Variants in KCNH7 observed in about 807,000 individuals in gnomAD.
The protein encoded by KCNH7 is potassium voltage-gated channel subfamily H member 7, also known as voltage-gated inwardly rectifying potassium channel KCNH7.
Under a neutral mutation model 120.8 loss-of-function variants are expected in KCNH7, and 49 were observed. That is an observed-to-expected ratio of 0.41 (90% CI 0.32 to 0.51). The LOEUF (loss-of-function observed/expected upper bound fraction) is 0.51, where lower values mean the gene tolerates loss of function less well. Ranked by LOEUF, KCNH7 falls within the 20% of genes least tolerant of loss-of-function variation. KCNH7 has a pLI of 0.38. For synonymous variants in KCNH7, 547 were observed against 516.1 expected (o/e 1.06, Z -0.81); for missense variants, 1,097 against 1,446.6 (o/e 0.76, Z 3.92).
chr2:162,689,668 TA>T (rs1248360864), intron 2 of KCNH7, among the ~76,000 whole-genome samples: 11 of 152,296 alleles, frequency 7.2e-5, no homozygotes, highest in African/African-American at 2.6e-4. Context: ...TTTAATTTAA[TA>T]AAATAATCAA....
chr2:162,615,107 A>G (rs770426806), intron 2 of KCNH7, among the ~76,000 whole-genome samples: 20 of 152,136 alleles, frequency 1.3e-4, no homozygotes, highest in Non-Finnish European at 2.1e-4. Flanking sequence ...TAATATTTCA[A>G]GCTAGCATAG....
intron 2 of KCNH7, among the ~76,000 whole-genome samples, chr2:162,540,246 AAATTATACATGCAAATATACT>A (rs1199020999): frequency 1.3e-5 from 2 of 150,792 alleles, no homozygotes; most frequent in Non-Finnish European, 2.9e-5. Flanking sequence ...ATTATTTATA[AAATTATACATGCAAATATACT>A]AATATTGCTA....
chr2:162,724,578 A>G (rs2105379800), intron 2 of KCNH7, among the ~76,000 whole-genome samples: 1 of 149,864 alleles, frequency 6.7e-6, no homozygotes, highest in South Asian at 2.1e-4. Context: ...AGGCTGAGGC[A>G]GGAGAATGGC....
In KCNH7 at chr2:162,397,967, T is replaced by A. The variant is rs189878745; in HGVS notation, c.2408-1022A>T. ...TCCAGAGTCAAAGTTCTTGCACACC[T>A]GATACTGTGTATCTAAGTATCTAAT... On this transcript the variant is annotated intron_variant, in intron 10 of 15. Coordinates refer to ENST00000332142, the MANE Select transcript of KCNH7 (RefSeq NM_033272.4). Among the ~76,000 whole-genome samples the A allele has an allele frequency of 3.3e-3, 498 of 151,964 alleles. 3 individuals carry two copies. The highest frequency in any genetic ancestry group is 5.5e-3 in the Non-Finnish European group (376 of 67,872).
chr2:162,705,369 T>C (rs1165717082), intron 2 of KCNH7, among the ~76,000 whole-genome samples: 2 of 152,264 alleles, frequency 1.3e-5, no homozygotes, highest in African/African-American at 4.8e-5. Context: ...TAAGGTGTAA[T>C]GGCAATTTTA....
chr2:162,569,476 A>T (rs1390842305), intron 2 of KCNH7, among the ~76,000 whole-genome samples: 2 of 144,688 alleles, frequency 1.4e-5, no homozygotes, highest in Non-Finnish European at 3.0e-5. Context: ...CTTTCAAAAA[A>T]CCAGCTCCTG....
intron 2 of KCNH7, among the ~76,000 whole-genome samples, chr2:162,686,783 A>G (rs1033158599): frequency 1.3e-5 from 2 of 152,060 alleles, no homozygotes; most frequent in Non-Finnish European, 2.9e-5. Context: ...AGACAAACCT[A>G]CCAAGGTCAA....
chr2:162,544,077 G>T (rs1166542263), intron 2 of KCNH7, among the ~76,000 whole-genome samples: 2 of 152,062 alleles, frequency 1.3e-5, no homozygotes, highest in African/African-American at 4.8e-5. Context: ...TAGGGGGAAG[G>T]CCCTTTTATC....
intron 2 of KCNH7, among the ~76,000 whole-genome samples, chr2:162,741,242 A>G (rs774504183): frequency 6.7e-6 from 1 of 149,476 alleles, no homozygotes; most frequent in Non-Finnish European, 1.5e-5. Flanking sequence ...TATTAATAAC[A>G]TATGTTATTA....
In KCNH7 at chr2:162,838,611, G is replaced by T. The variant is rs1685743975; in HGVS notation, c.-93C>A. On this transcript the variant is annotated 5_prime_UTR_variant, in exon 1 of 16. Coordinates refer to ENST00000332142, the MANE Select transcript of KCNH7 (RefSeq NM_033272.4). ...TAGAGCCCAGGCCAGCGCGCGAGCC[G>T]CTCTTTGTGGCAGAGCATCCTCTTT... 3.2e-6 allele frequency: 3 copies of T among 945,748 alleles called. No individual in the cohort carries two copies. The South Asian group carries it at 4.3e-5, about 14-fold the overall frequency. 58.6% of individuals were successfully genotyped at this position (945,748 alleles called of 1,614,324 possible). A position where few individuals can be genotyped will look rare whatever the true frequency, so the allele number is the denominator to read the frequency against.
intron 8 of KCNH7, among the ~76,000 whole-genome samples, chr2:162,429,405 T>TTTTTTTTTTTTTTC (rs1687989714): frequency 1.5e-5 from 2 of 137,168 alleles, no homozygotes; most frequent in African/African-American, 5.3e-5. Context: ...TTTTTTTTTT[T>TTTTTTTTTTTTTTC]ACTCACACAT....
chr2:162,529,429 C>T (rs1691837971), intron 3 of KCNH7, among the ~76,000 whole-genome samples: 3 of 151,768 alleles, frequency 2.0e-5, no homozygotes, highest in Admixed American at 2.0e-4. Context: ...TTAGGTTCCC[C>T]CAATCCCTTC....
chr2:162,711,706 T>C (rs184391004), intron 2 of KCNH7, among the ~76,000 whole-genome samples: 140 of 152,272 alleles, frequency 9.2e-4, no homozygotes, highest in African/African-American at 3.2e-3. Flanking sequence ...AACTTAGAAG[T>C]TGACAACCAG....
chr2:162,681,483 CTATGTA>C (rs1319469305), intron 2 of KCNH7, among the ~76,000 whole-genome samples: 5 of 151,784 alleles, frequency 3.3e-5, no homozygotes, highest in African/African-American at 1.2e-4. Context: ...GCACTGTTCT[CTATGTA>C]TATTTCAATA....
chr2:162,388,590 A>G (rs555335772), intron 12 of KCNH7, among the ~76,000 whole-genome samples: 6 of 151,932 alleles, frequency 3.9e-5, no homozygotes, highest in Non-Finnish European at 8.8e-5. Flanking sequence ...ATTGTTTGCT[A>G]TTGAAGAAGA....
chr2:162,754,144 T>C (rs992598127), intron 2 of KCNH7, among the ~76,000 whole-genome samples: 1 of 152,106 alleles, frequency 6.6e-6, no homozygotes, highest in African/African-American at 2.4e-5. Flanking sequence ...GAGTGCATAA[T>C]GCCAAACTAA....
At chr2:162,760,357 T>G (rs1001660238) in intron 2 of KCNH7, among the ~76,000 whole-genome samples, 2 of 152,234 alleles carry the variant, frequency 1.3e-5, no homozygotes, top group South Asian at 4.1e-4. Context: ...ATTTACATTT[T>G]TATAAATCTC....
At chr2:162,589,513 A>T (rs1228239591) in intron 2 of KCNH7, among the ~76,000 whole-genome samples, 1 of 151,982 alleles carries the variant, frequency 6.6e-6, no homozygotes, top group African/African-American at 2.4e-5. Context: ...AAATTGAATA[A>T]TTTTTTAACA....
chr2:162,431,630 G>T (rs1287602479), intron 8 of KCNH7, among the ~76,000 whole-genome samples: 2 of 151,980 alleles, frequency 1.3e-5, no homozygotes, highest in East Asian at 3.9e-4. Flanking sequence ...TTGGATTAAG[G>T]TGTATAGAAC....
Sources: gnomAD v4.1 joint callset for allele counts (sites outside exome capture counted in the v4.1 genomes callset) on GRCh38, gnomAD v4.1.1 for gene constraint, MANE v1.5 for transcripts, NCBI Gene and HGNC (gene_info 2026-07-23, HGNC 2026-07-21) for gene names.